The following USP26 variants were observed in gnomAD, a reference collection of about 807,000 sequenced individuals.
USP26 encodes the protein ubiquitin specific peptidase 26.
For synonymous variants in USP26, 236 were observed against 240.6 expected (o/e 0.98, Z 0.18); for missense variants, 649 against 642.3 (o/e 1.01, Z -0.11).
rs923229935 is a variant in USP26 at position 133,050,598 on chromosome X, AT to A, written c.-76-22303del. Among the ~76,000 whole-genome samples the A allele has an allele frequency of 3.9e-4, 43 of 111,097 alleles. 2 individuals carry two copies. Among genetic ancestry groups the A allele is most frequent in the Admixed American group, 1.2e-3 (12 of 10,404 alleles). On this transcript the variant is annotated intron_variant, in intron 5 of 5. Transcript: ENST00000511190. The stretch of plus-strand genomic sequence containing the variant: ...GGATAGAATAAACTATAAAGGTATA[AT>A]TTTTTTTTAAAAAAAGAAGCAATAA...
At chrX:133,072,022 A>G (rs1044714553) in intron 5 of USP26, among the ~76,000 whole-genome samples, 12 of 111,689 alleles carry the variant, frequency 1.1e-4, no homozygotes, top group Non-Finnish European at 2.1e-4. Context: ...TAAAGAAATA[A>G]CTACTTAGGT....
chrX:133,092,846 C>T (rs965840024), intron 1 of USP26, among the ~76,000 whole-genome samples: 5 of 111,811 alleles, frequency 4.5e-5, no homozygotes, highest in African/African-American at 1.6e-4. Flanking sequence ...ACTGATTTTT[C>T]AGGTTTCTAA....
intron 5 of USP26, among the ~76,000 whole-genome samples, chrX:133,058,501 T>C (rs2067484330): frequency 1.8e-5 from 2 of 112,164 alleles, no homozygotes; most frequent in South Asian, 7.5e-4. Context: ...GTCTTACTGG[T>C]GAATTGACCC....
At chrX:133,085,788 C>T (rs749162045) in intron 4 of USP26, among the ~76,000 whole-genome samples, 5 of 111,085 alleles carry the variant, frequency 4.5e-5, no homozygotes, top group African/African-American at 1.6e-4. Flanking sequence ...ACTGCAGGTC[C>T]TCAAATAAGG....
chrX:133,096,291 T>C (rs1569314273), intron 1 of USP26, among the ~76,000 whole-genome samples: 1 of 109,532 alleles, frequency 9.1e-6, no homozygotes, highest in Non-Finnish European at 1.9e-5. Context: ...CTTCGTGGAA[T>C]ACAATTAAAT....
chrX:133,057,844 TTATATATATATA>T (rs1198872172), intron 5 of USP26, among the ~76,000 whole-genome samples: 1 of 30,659 alleles, frequency 3.3e-5, no homozygotes, highest in Non-Finnish European at 5.2e-5. Context: ...ATACTTTACA[TTATATATATATA>T]TATATATATA....
chrX:133,058,458 A>G (rs113107642), intron 5 of USP26, among the ~76,000 whole-genome samples: 3,866 of 111,688 alleles, frequency 0.035, 99 homozygotes, highest in East Asian at 0.099. Flanking sequence ...TCAACAAACT[A>G]TTGTTAGATA....
intron 5 of USP26, among the ~76,000 whole-genome samples, chrX:133,070,328 T>C (rs925908211): frequency 6.3e-5 from 7 of 111,510 alleles, no homozygotes; most frequent in Admixed American, 5.7e-4. Context: ...ACCTTTATGG[T>C]ATTTCTGTCC....
At chrX:133,071,149 G>A (rs374249946) in intron 5 of USP26, among the ~76,000 whole-genome samples, 27 of 110,848 alleles carry the variant, frequency 2.4e-4, no homozygotes, top group East Asian at 1.1e-3. Flanking sequence ...CCCAGGAGGC[G>A]GATGTTGCAG....
intron 5 of USP26, among the ~76,000 whole-genome samples, chrX:133,065,086 A>C (rs757610519): frequency 8.9e-6 from 1 of 112,157 alleles, no homozygotes; most frequent in African/African-American, 3.2e-5. Flanking sequence ...CCATCAGAGA[A>C]TACTATAAAC....
At position 133,032,160 on chromosome X, in the gene USP26, A is replaced by AC. The variant is rs1271919099; in HGVS notation, c.-76-3865_-76-3864insG. ...CGAAACTCTGTCTCAAAAAAGCAAA[A>AC]GAAAAAAACCCAACCAACCAACCAA... On this transcript the variant is annotated intron_variant, in intron 5 of 5. Coordinates refer to ENST00000511190, the MANE Select transcript of USP26 (RefSeq NM_031907.3). 4.5e-5 allele frequency among the ~76,000 whole-genome samples: 5 copies of AC among 110,315 alleles called. 1 individual carries two copies. Among genetic ancestry groups the AC allele is most frequent in the African/African-American group, 1.7e-4 (5 of 30,089 alleles).
chrX:133,057,416 A>G (rs1243117337), intron 5 of USP26, among the ~76,000 whole-genome samples: 1 of 111,564 alleles, frequency 9.0e-6, no homozygotes, highest in Non-Finnish European at 1.9e-5. Context: ...CCAAAGAACC[A>G]GATTTTGGTT....
At chrX:133,043,499 C>T (rs1302843109) in intron 5 of USP26, among the ~76,000 whole-genome samples, 1 of 112,760 alleles carries the variant, frequency 8.9e-6, no homozygotes, top group Non-Finnish European at 1.9e-5. Flanking sequence ...GCTCTCTTGT[C>T]CTTACTGGTA....
chrX:133,078,747 G>A (rs1395513309), intron 5 of USP26, among the ~76,000 whole-genome samples: 1 of 111,944 alleles, frequency 8.9e-6, no homozygotes, highest in Admixed American at 9.5e-5. Context: ...TGTCTGCATG[G>A]ACAAGATTCT....
chrX:133,045,626 C>T (rs1377670187), intron 5 of USP26, among the ~76,000 whole-genome samples: 13 of 111,368 alleles, frequency 1.2e-4, no homozygotes, highest in Admixed American at 8.6e-4. Flanking sequence ...CAACTCCAGA[C>T]GGGCCGCCTT....
intron 4 of USP26, among the ~76,000 whole-genome samples, chrX:133,084,138 C>T (rs2067579680): frequency 8.9e-6 from 1 of 112,373 alleles, no homozygotes; most frequent in African/African-American, 3.2e-5. Context: ...GATCCAGCCA[C>T]AGTACAGCAC....
intron 1 of USP26, among the ~76,000 whole-genome samples, chrX:133,093,290 C>CA (rs1415090417): frequency 2.7e-5 from 3 of 109,137 alleles, no homozygotes; most frequent in Non-Finnish European, 3.8e-5. Context: ...CTCTCTCTCT[C>CA]AAAAAAACAA....
intron 1 of USP26, among the ~76,000 whole-genome samples, chrX:133,095,511 T>C (rs975169120): frequency 3.6e-5 from 4 of 112,591 alleles, no homozygotes; most frequent in Non-Finnish European, 7.5e-5. Flanking sequence ...TGTTCTGTTA[T>C]AAAATGCACT....
intron 5 of USP26, among the ~76,000 whole-genome samples, chrX:133,048,627 A>G (rs1488584302): frequency 9.1e-6 from 1 of 109,665 alleles, no homozygotes; most frequent in Non-Finnish European, 1.9e-5. Flanking sequence ...GCTCACTGCA[A>G]GCTCCGCCTC....
Sources: gnomAD v4.1 joint callset for allele counts (sites outside exome capture counted in the v4.1 genomes callset) on GRCh38, gnomAD v4.1.1 for gene constraint, MANE v1.5 for transcripts, NCBI Gene and HGNC (gene_info 2026-07-23, HGNC 2026-07-21) for gene names.